The following CDC73 variants were observed in gnomAD, a reference collection of about 807,000 sequenced individuals.
The protein encoded by CDC73 is cell division cycle 73.
Under a neutral mutation model 83.7 loss-of-function variants are expected in CDC73, and 21 were observed. That is an observed-to-expected ratio of 0.25 (90% CI 0.18 to 0.36). The LOEUF is 0.36. Ranked by LOEUF, CDC73 falls within the 10% of genes least tolerant of loss-of-function variation. The pLI is 1.00. For missense variants in CDC73, 342 were observed against 653.3 expected (o/e 0.52, Z 5.19); for synonymous variants, 224 against 212.9 (o/e 1.05, Z -0.45).
chr1:193,246,179 T>G (rs1018156936), intron 15 of CDC73, among the ~76,000 whole-genome samples: 2 of 152,076 alleles, frequency 1.3e-5, no homozygotes, highest in Non-Finnish European at 2.9e-5. Flanking sequence ...GTGCTTTTAT[T>G]CATAAAGCCT....
intron 10 of CDC73, among the ~76,000 whole-genome samples, chr1:193,166,761 C>T (rs1469325940): frequency 6.6e-6 from 1 of 151,904 alleles, no homozygotes; most frequent in African/African-American, 2.4e-5. Flanking sequence ...ATTGTCCTGC[C>T]TCAGCCTTCC....
chr1:193,211,785 A>C (rs1056016842), intron 11 of CDC73, among the ~76,000 whole-genome samples: 4 of 152,192 alleles, frequency 2.6e-5, no homozygotes, highest in Non-Finnish European at 5.9e-5. Flanking sequence ...TTTTCTATTT[A>C]ATATTTTCAG....
rs1378012026 is a variant in CDC73 at position 193,250,587 on chromosome 1, T to A, written c.1560-89T>A. The A allele has an allele frequency of 6.4e-6, 6 of 931,970 alleles. No homozygotes were observed. The Admixed American group carries it at 1.2e-4, about 19-fold the overall frequency. 57.7% of individuals were successfully genotyped at this position (931,970 alleles called of 1,614,324 possible). On this transcript the variant is annotated intron_variant, in intron 16 of 16. Transcript: ENST00000367435. ...ATTTTATTCTGTTGATTTTAAGTTT[T>A]AAGAAATGTCAACTTGTTTTTACAT...
chr1:193,126,885 A>G (rs560307728), intron 2 of CDC73, among the ~76,000 whole-genome samples: 1 of 152,266 alleles, frequency 6.6e-6, no homozygotes, highest in East Asian at 1.9e-4. Context: ...TGTGAAACTT[A>G]ACTTCTATAA....
intron 10 of CDC73, among the ~76,000 whole-genome samples, chr1:193,165,528 A>G (rs1676421586): frequency 6.6e-6 from 1 of 152,212 alleles, no homozygotes; most frequent in Non-Finnish European, 1.5e-5. Context: ...GACATATTTG[A>G]AAGACGTGAA....
At chr1:193,191,068 G>T (rs1277906975) in intron 10 of CDC73, among the ~76,000 whole-genome samples, 1 of 152,140 alleles carries the variant, frequency 6.6e-6, no homozygotes, top group African/African-American at 2.4e-5. Context: ...TTATAATTAA[G>T]TAAATTTAAA....
At chr1:193,162,663 C>T (rs925460651) in intron 10 of CDC73, among the ~76,000 whole-genome samples, 10 of 152,088 alleles carry the variant, frequency 6.6e-5, no homozygotes, top group African/African-American at 2.4e-4. Flanking sequence ...GCCACCACAC[C>T]CCGCCAGTTT....
At position 193,251,240 on chromosome 1, in the gene CDC73, T is replaced by C; in HGVS notation, c.*528T>C. 4.3e-6 allele frequency: 1 copy of C among 232,678 alleles called. No individual in the cohort carries two copies. The highest frequency in any genetic ancestry group is 6.1e-5 in the East Asian group (1 of 16,338). The allele number at this position is 232,678 out of a possible 1,614,324, so 14.4% of individuals were successfully genotyped here. A position where few individuals can be genotyped will look rare whatever the true frequency, so the allele number is the denominator to read the frequency against. ...TATTTAAAAAGAATAATGAAAAATC[T>C]AGATCAATTCTTCAATTTGATTGAA... On this transcript the variant is annotated 3_prime_UTR_variant, in exon 17 of 17. Transcript: ENST00000367435.
rs76717731 is a variant in CDC73, at chr1:193,138,062, C to T, written c.424-23C>T. On this transcript the variant is annotated intron_variant, in intron 5 of 16. Transcript: ENST00000367435. ...AAAAGTTCAATAAAAATTTTAAATG[C>T]ATTAACCAGTGGTTATTTCCAGGAT... The T allele has an allele frequency of 7.7e-4, 1,205 of 1,558,758 alleles. 16 individuals are homozygous for T. The East Asian group carries it at 0.026, about 33-fold the overall frequency.
At chr1:193,181,225 T>C in intron 10 of CDC73, 2 of 1,614,104 alleles carry the variant, frequency 1.2e-6, no homozygotes, top group East Asian at 2.2e-5. Flanking sequence ...AAGTGTATTC[T>C]CCAGGCCTGT....
chr1:193,164,779 T>G (rs1427701204), intron 10 of CDC73, among the ~76,000 whole-genome samples: 4 of 152,210 alleles, frequency 2.6e-5, no homozygotes, highest in Admixed American at 2.6e-4. Flanking sequence ...ATATGATGTG[T>G]TATTTCTTTA....
intron 10 of CDC73, among the ~76,000 whole-genome samples, chr1:193,169,280 C>A (rs1249934028): frequency 6.6e-6 from 1 of 152,226 alleles, no homozygotes; most frequent in Non-Finnish European, 1.5e-5. Flanking sequence ...TATGGTGGCT[C>A]ACACCTGTAA....
intron 10 of CDC73, among the ~76,000 whole-genome samples, chr1:193,199,318 C>T (rs913147413): frequency 7.9e-5 from 12 of 152,098 alleles, no homozygotes; most frequent in East Asian, 5.8e-4. Flanking sequence ...GCAATCCCAG[C>T]GCTTTAGGAG....
At chr1:193,215,784 T>C (rs1677357627) in intron 13 of CDC73, among the ~76,000 whole-genome samples, 1 of 152,044 alleles carries the variant, frequency 6.6e-6, no homozygotes. Context: ...GAGACTGGGC[T>C]TAGCCATGTT....
intron 15 of CDC73, chr1:193,237,080 A>T (rs61821978): frequency 6.6e-6 from 1 of 151,306 alleles, no homozygotes; most frequent in Non-Finnish European, 1.5e-5. Flanking sequence ...AGTAGCTAGG[A>T]CTACAGGCGT....
chr1:193,177,074 A>G (rs1676616174), intron 10 of CDC73, among the ~76,000 whole-genome samples: 1 of 152,006 alleles, frequency 6.6e-6, no homozygotes, highest in Non-Finnish European at 1.5e-5. Flanking sequence ...GTGCCCCTCC[A>G]GTGTGTGAAA....
chr1:193,183,676 C>G (rs1676757205), intron 10 of CDC73, among the ~76,000 whole-genome samples: 1 of 150,826 alleles, frequency 6.6e-6, no homozygotes, highest in Admixed American at 6.6e-5. Flanking sequence ...AATAATGACT[C>G]TCCGCTCCAC....
At chr1:193,215,764 A>AT (rs1198160225) in intron 13 of CDC73, among the ~76,000 whole-genome samples, 1 of 151,838 alleles carries the variant, frequency 6.6e-6, no homozygotes, top group South Asian at 2.1e-4. Flanking sequence ...AAATTTTTGT[A>AT]TTTTTTGTAG....
At chr1:193,150,186 A>G in intron 8 of CDC73, 118 bp from the exon 9 acceptor site, 1 of 717,574 alleles carries the variant, frequency 1.4e-6, no homozygotes, top group Non-Finnish European at 2.5e-6. Flanking sequence ...TGGGAGGATC[A>G]CTTGGGCCCA....
Sources: allele counts gnomAD v4.1 joint callset (sites outside exome capture counted in the v4.1 genomes callset), GRCh38; gene constraint gnomAD v4.1.1; transcripts MANE v1.5; gene names NCBI Gene and HGNC (gene_info 2026-07-23, HGNC 2026-07-21).